FAM107B: variants seen among roughly 807,000 people sequenced by gnomAD.
FAM107B encodes protein FAM107B.
A neutral mutation model predicts 31.5 loss-of-function variants in FAM107B; 21 were observed. The observed-to-expected ratio is 0.67, with a 90% CI of 0.47 to 0.96. FAM107B has a LOEUF of 0.96. FAM107B is among the 40% of genes least tolerant of loss of function. FAM107B has a pLI of 0.00. For synonymous variants in FAM107B, 157 were observed against 141.5 expected (o/e 1.11, Z -0.78); for missense variants, 452 against 377.1 (o/e 1.20, Z -1.64).
At chr10:14,659,425 A>T (rs1299175020) in intron 2 of FAM107B, among the ~76,000 whole-genome samples, 1 of 148,552 alleles carries the variant, frequency 6.7e-6, no homozygotes, top group Non-Finnish European at 1.5e-5. Flanking sequence ...TAGGTGAAAG[A>T]GCAAAACTCC....
intron 1 of FAM107B, among the ~76,000 whole-genome samples, chr10:14,682,845 C>T (rs1179821007): frequency 6.6e-6 from 1 of 151,548 alleles, no homozygotes; most frequent in Non-Finnish European, 1.5e-5. Flanking sequence ...ACCTATGTAA[C>T]AAAACTGCAC....
At chr10:14,648,292 T>C (rs1000428783) in intron 2 of FAM107B, among the ~76,000 whole-genome samples, 4 of 152,094 alleles carry the variant, frequency 2.6e-5, no homozygotes, top group Non-Finnish European at 5.9e-5. Flanking sequence ...CAGCCCTAAT[T>C]TGGAGCAGGT....
intron 1 of FAM107B, among the ~76,000 whole-genome samples, chr10:14,726,488 A>G (rs1856039572): frequency 6.6e-6 from 1 of 152,216 alleles, no homozygotes; most frequent in African/African-American, 2.4e-5. Context: ...GCATGGAGCC[A>G]GACTTGAAAG....
At chr10:14,620,744 A>G (rs35878253) in intron 2 of FAM107B, among the ~76,000 whole-genome samples, 60,377 of 151,854 alleles carry the variant, frequency 0.4, 12,630 homozygotes, top group East Asian at 0.7. Flanking sequence ...ATGTGTTCTT[A>G]TTGTTCAACT....
intron 2 of FAM107B, chr10:14,612,576 C>G (rs2131392325): frequency 6.6e-6 from 1 of 152,348 alleles, no homozygotes; most frequent in Middle Eastern, 3.4e-3. Flanking sequence ...CTTTGACAGG[C>G]ACCTGCTTTT....
At chr10:14,625,149 C>T (rs1312856852) in intron 2 of FAM107B, among the ~76,000 whole-genome samples, 2 of 150,372 alleles carry the variant, frequency 1.3e-5, no homozygotes, top group African/African-American at 4.9e-5. Flanking sequence ...TGCTTAAACT[C>T]GGGGAAACAG....
intron 2 of FAM107B, among the ~76,000 whole-genome samples, chr10:14,660,920 C>A (rs1854218549): frequency 6.6e-6 from 1 of 152,124 alleles, no homozygotes; most frequent in Admixed American, 6.5e-5. Flanking sequence ...AATTGTAACC[C>A]CCAATGTTGG....
chr10:14,745,622 T>A (rs2131577574), intron 1 of FAM107B, among the ~76,000 whole-genome samples: 1 of 152,336 alleles, frequency 6.6e-6, no homozygotes. Context: ...TGAGTGAGTT[T>A]CTTAATCTTG....
intron 2 of FAM107B, among the ~76,000 whole-genome samples, chr10:14,604,619 G>A (rs1339807448): frequency 6.6e-6 from 1 of 151,600 alleles, no homozygotes; most frequent in Non-Finnish European, 1.5e-5. Context: ...CGGTGGGAGC[G>A]AGGGCTGGAG....
At chr10:14,572,587 G>A (rs970033945) in intron 2 of FAM107B, among the ~76,000 whole-genome samples, 14 of 151,556 alleles carry the variant, frequency 9.2e-5, no homozygotes, top group East Asian at 7.8e-4. Flanking sequence ...AGACAGGTGC[G>A]GTGGTGTGCA....
chr10:14,547,407 G>A (rs1848798021), intron 2 of FAM107B, among the ~76,000 whole-genome samples: 1 of 151,980 alleles, frequency 6.6e-6, no homozygotes, highest in Non-Finnish European at 1.5e-5. Flanking sequence ...TCCGTATATT[G>A]GCCAAATTGT....
intron 1 of FAM107B, among the ~76,000 whole-genome samples, chr10:14,700,689 C>CT (rs36093045): frequency 5.3e-5 from 8 of 152,014 alleles, no homozygotes; most frequent in Non-Finnish European, 1.0e-4. Flanking sequence ...AACAATGATG[C>CT]TTTTTTCCCC....
intron 2 of FAM107B, 85 bp downstream of exon 2, chr10:14,667,549 T>C (rs948094850): frequency 1.4e-5 from 20 of 1,386,402 alleles, no homozygotes; most frequent in African/African-American, 2.9e-5. Context: ...GGTTTTCCTT[T>C]GCAATCTGAA....
chr10:14,764,664 T>G (rs1588765476), intron 1 of FAM107B, among the ~76,000 whole-genome samples: 1 of 152,234 alleles, frequency 6.6e-6, no homozygotes, highest in Non-Finnish European at 1.5e-5. Flanking sequence ...CAGATCAGGT[T>G]AACCATGTCT....
chr10:14,624,761 G>T (rs74122858), intron 2 of FAM107B, among the ~76,000 whole-genome samples: 13 of 152,250 alleles, frequency 8.5e-5, no homozygotes, highest in South Asian at 2.1e-4. Context: ...GCTGGCAAAC[G>T]CAAGAAAAGA....
chr10:14,601,974 T>C (rs1280786914), intron 2 of FAM107B, among the ~76,000 whole-genome samples: 2 of 152,176 alleles, frequency 1.3e-5, no homozygotes, highest in African/African-American at 4.8e-5. Context: ...AGGAACAAGA[T>C]TTCACATGTC....
Position 14,614,484 on chromosome 10 carries a change from C to A in FAM107B, c.469+53150G>T, listed in dbSNP as rs553969224. On this transcript the variant is annotated intron_variant, in intron 2 of 4. Coordinates refer to ENST00000181796, the MANE Select transcript of FAM107B (RefSeq NM_031453.4). ...GGTTAGGGGTTCAAGATCAGCCTGA[C>A]CAACATGGTGAAACCCAGTCTCTAC... Among the ~76,000 whole-genome samples the A allele has an allele frequency of 4.6e-5, 7 of 151,880 alleles. No homozygotes were observed. In the East Asian group the frequency reaches 1.4e-3, roughly 30 times the overall value.
At chr10:14,552,483 T>C (rs376053287) in intron 2 of FAM107B, among the ~76,000 whole-genome samples, 1 of 132,908 alleles carries the variant, frequency 7.5e-6, no homozygotes, top group Non-Finnish European at 1.6e-5. Flanking sequence ...AAAAAAAAAA[T>C]GAAGTCAACG....
intron 2 of FAM107B, chr10:14,553,392 A>AG (rs1449105573): frequency 3.6e-5 from 42 of 1,165,216 alleles, no homozygotes; most frequent in Non-Finnish European, 4.6e-5. Flanking sequence ...ATTCTCCTTT[A>AG]AAAAAAAAAC....
Sources: gnomAD v4.1 joint callset for allele counts (sites outside exome capture counted in the v4.1 genomes callset) on GRCh38, gnomAD v4.1.1 for gene constraint, MANE v1.5 for transcripts, NCBI Gene and HGNC (gene_info 2026-07-23, HGNC 2026-07-21) for gene names.